The following WNK1 variants were observed in gnomAD, a reference collection of about 807,000 sequenced individuals.
The protein encoded by WNK1 is serine/threonine-protein kinase WNK1.
WNK1 carries 38 observed loss-of-function variants against 222.8 expected under a neutral mutation model. The observed-to-expected ratio is 0.17, with a 90% CI of 0.13 to 0.22. The LOEUF is 0.22. Among genes scored for constraint, WNK1 ranks in the 10% least tolerant of loss-of-function variants. WNK1 has a pLI of 1.00. For synonymous variants in WNK1, 1,090 were observed against 1,092.9 expected (o/e 1.00, Z 0.05); for missense variants, 2,348 against 2,918.4 (o/e 0.80, Z 4.50).
intron 1 of WNK1, among the ~76,000 whole-genome samples, chr12:799,844 G>A (rs1422573447): frequency 1.3e-5 from 2 of 152,064 alleles, no homozygotes; most frequent in African/African-American, 2.4e-5. Context: ...GCCACCACAC[G>A]TGCCTACTTT....
Position 753,940 on chromosome 12 carries a change from G to GACCGCC in WNK1, c.384_389dup (p.Ala129_Thr130dup), listed in dbSNP as rs746680402. 5.0e-6 allele frequency: 8 copies of GACCGCC among 1,598,328 alleles called. No individual in the cohort carries two copies. In the South Asian group the frequency reaches 6.6e-5, roughly 13 times the overall value. ...CGGAGCCCCACCGGGAAGAGACCGT[G>GACCGCC]ACCGCCACCGCCACTTCCCAGGTAG... On this transcript the variant is annotated inframe_insertion, in exon 1 of 28. Coordinates refer to ENST00000315939, the MANE Select transcript of WNK1 (RefSeq NM_018979.4). This position sits in a 1 kb window ranked among gnomAD's most constrained non-coding sequence, Gnocchi z 5.2.
At position 879,709 on chromosome 12, in the gene WNK1, C is replaced by T. The variant is rs778051231; in HGVS notation, c.2510C>T (p.Pro837Leu). Residue 837 changes from proline (P) to leucine (L), a missense_variant, in exon 11 of 28, where the codon CCT becomes CTT. By Grantham distance (98) the Pro-to-Leu change is moderately conservative. Coordinates refer to ENST00000315939, the MANE Select transcript of WNK1 (RefSeq NM_018979.4). Reference protein sequence around the residue: ...VGQPLPTPLLPQYPVSQIPIS... With the variant: ...VGQPLPTPLLLQYPVSQIPIS... Reference sequence around the variant, plus strand: ...CAGCCGCTCCCTACTCCCTTGCTCCCTCAGTACCCTGTCTCTCAGATTCCC... The same window carrying T: ...CAGCCGCTCCCTACTCCCTTGCTCCTTCAGTACCCTGTCTCTCAGATTCCC... 5 of 1,613,956 alleles carry T rather than the reference C, an allele frequency of 3.1e-6. No individual in the cohort carries two copies. The South Asian group carries it at 5.5e-5, about 18-fold the overall frequency.
chr12:904,283 G>C (rs1448334728), intron 26 of WNK1, among the ~76,000 whole-genome samples: 4 of 152,246 alleles, frequency 2.6e-5, no homozygotes, highest in Admixed American at 2.6e-4. Context: ...CTAACAGCCA[G>C]TTCGAAACAT....
intron 4 of WNK1, among the ~76,000 whole-genome samples, chr12:840,374 C>T (rs1284403863): frequency 6.6e-6 from 1 of 150,618 alleles, no homozygotes; most frequent in Admixed American, 6.6e-5. Flanking sequence ...TCAAGTGATC[C>T]TCCTACTTTA....
At chr12:797,705 G>A (rs547222884) in intron 1 of WNK1, among the ~76,000 whole-genome samples, 7 of 152,066 alleles carry the variant, frequency 4.6e-5, no homozygotes, top group South Asian at 2.1e-4. Context: ...CAGCACTTTC[G>A]GAGGCCGAGG....
At chr12:798,999 T>C (rs979036981) in intron 1 of WNK1, among the ~76,000 whole-genome samples, 1 of 152,208 alleles carries the variant, frequency 6.6e-6, no homozygotes, top group Non-Finnish European at 1.5e-5. Flanking sequence ...TTCCCTATTC[T>C]CTTTTTTGGG....
intron 8 of WNK1, among the ~76,000 whole-genome samples, chr12:866,220 C>A (rs980150300): frequency 6.6e-6 from 1 of 152,146 alleles, no homozygotes; most frequent in African/African-American, 2.4e-5. Flanking sequence ...AGCATTCTGA[C>A]TGAAAATAGA....
chr12:857,873 A>G (rs140312907), intron 5 of WNK1, among the ~76,000 whole-genome samples: 1 of 152,334 alleles, frequency 6.6e-6, no homozygotes, highest in Non-Finnish European at 1.5e-5. Context: ...TCTGAAAAAC[A>G]GTCTATCTTT....
rs541980913 is a variant in WNK1, at chr12:835,623, A to G, written c.1311+5463A>G. Among the ~76,000 whole-genome samples, 14 of 152,018 alleles carry G rather than the reference A, an allele frequency of 9.2e-5. 1 individual carries two copies. Among genetic ancestry groups the G allele is most frequent in the African/African-American group, 3.1e-4 (13 of 41,382 alleles). Reference sequence around the variant, plus strand: ...AAGTTGTGCCTCACCTGGAGTTTACATTCAGTTTTGTTAAAAAAAAAAAAA... The same window carrying G: ...AAGTTGTGCCTCACCTGGAGTTTACGTTCAGTTTTGTTAAAAAAAAAAAAA... On this transcript the variant is annotated intron_variant, in intron 4 of 27. Transcript: ENST00000315939.
intron 9 of WNK1, among the ~76,000 whole-genome samples, chr12:877,713 T>C (rs1952758206): frequency 6.6e-6 from 1 of 152,204 alleles, no homozygotes; most frequent in East Asian, 1.9e-4. Context: ...CCAAATCCAG[T>C]GCTTTCCTCC....
intron 8 of WNK1, among the ~76,000 whole-genome samples, chr12:870,425 T>C (rs1952045048): frequency 6.6e-6 from 1 of 152,196 alleles, no homozygotes; most frequent in South Asian, 2.1e-4. Context: ...GAATGTGATA[T>C]TATATCCATG....
intron 1 of WNK1, among the ~76,000 whole-genome samples, chr12:784,763 C>G (rs1033167443): frequency 6.6e-6 from 1 of 152,154 alleles, no homozygotes; most frequent in Non-Finnish European, 1.5e-5. Flanking sequence ...TGGTTGCATT[C>G]TAGGTTGATG....
At chr12:868,304 C>G in intron 8 of WNK1, 1 of 1,609,958 alleles carries the variant, frequency 6.2e-7, no homozygotes, top group East Asian at 2.2e-5. Flanking sequence ...TTACCAGGCC[C>G]GGGTGGCAGA....
At chr12:763,232 A>T (rs1941259859) in intron 1 of WNK1, among the ~76,000 whole-genome samples, 1 of 147,456 alleles carries the variant, frequency 6.8e-6, no homozygotes, top group African/African-American at 2.4e-5. Flanking sequence ...GAACAAAGGG[A>T]TGACATGTCC....
chr12:796,368 A>G (rs962621633), intron 1 of WNK1, among the ~76,000 whole-genome samples: 1 of 152,302 alleles, frequency 6.6e-6, no homozygotes, highest in African/African-American at 2.4e-5. Context: ...AACCAGAGAA[A>G]TTATAAGGCA....
intron 20 of WNK1, among the ~76,000 whole-genome samples, chr12:888,766 AG>A (rs1183114734): frequency 6.6e-6 from 1 of 152,248 alleles, no homozygotes; most frequent in Non-Finnish European, 1.5e-5. Context: ...GAAAGAAAAG[AG>A]GGAACATGAG....
At chr12:808,761 CTTTTTT>C (rs11322620) in intron 1 of WNK1, among the ~76,000 whole-genome samples, 1 of 119,376 alleles carries the variant, frequency 8.4e-6, no homozygotes, top group Non-Finnish European at 1.8e-5. Flanking sequence ...GTATCTCTCT[CTTTTTT>C]TTTTTTTTTT....
Position 897,653 on chromosome 12 carries a change from C to T in WNK1, c.6420C>T (p.Ser2140=), listed in dbSNP as rs1954866001. Residue 2140 remains serine (S), a synonymous_variant, in exon 25 of 28, where the codon TCC becomes TCT. Transcript: ENST00000315939. ...SKGSKSSRSS[S]LGNKSPQLSG... ...GCAGCAAATCTAGTCGAAGCAGTTC[C>T]TTGGGGAATAAAAGCCCCCAGCTTT... 3 of 1,614,088 alleles carry T rather than the reference C, an allele frequency of 1.9e-6. No individual in the cohort carries two copies.
intron 1 of WNK1, among the ~76,000 whole-genome samples, chr12:787,422 CCTA>C (rs1220110199): frequency 6.6e-6 from 1 of 152,138 alleles, no homozygotes; most frequent in Non-Finnish European, 1.5e-5. Context: ...CACGTAGGTA[CCTA>C]CTTCACAGAG....
Sources: gnomAD v4.1 joint callset for allele counts (sites outside exome capture counted in the v4.1 genomes callset) on GRCh38, gnomAD v4.1.1 for gene constraint, Gnocchi (gnomAD v3.1) non-coding constraint, MANE v1.5 for transcripts, NCBI Gene and HGNC (gene_info 2026-07-23, HGNC 2026-07-21) for gene names.